GYS2: variants seen among roughly 807,000 people sequenced by gnomAD.
The protein encoded by GYS2 is glycogen [starch] synthase, liver.
Under a neutral mutation model 85.6 loss-of-function variants are expected in GYS2, and 80 were observed. That is an observed-to-expected ratio of 0.93 (90% CI 0.78 to 1.13). GYS2 has a LOEUF of 1.13. GYS2 is among the 50% of genes most tolerant of loss of function. The pLI is 0.00. For missense variants in GYS2, 881 were observed against 854.9 expected, an observed-to-expected ratio of 1.03 and a Z score of -0.38; for synonymous variants, 328 against 300.7, an observed-to-expected ratio of 1.09 and a Z score of -0.94.
Position 21,558,288 on chromosome 12 carries a change from G to T in GYS2, c.1334C>A (p.Thr445Lys), listed in dbSNP as rs776104371. 6.2e-7 allele frequency: 1 copy of T among 1,612,978 alleles called. No homozygotes were observed. The stretch of plus-strand genomic sequence containing the variant: ...GGTGGAGTCATCAATCATGTTGTGC[G>T]TGGTCACTGGGGGCAATGACTGTCG... ...TQRQSLPPVT[T>K]HNMIDDSTDP... Residue 445 changes from threonine (T) to lysine (K), a missense_variant, in exon 11 of 16, where the codon ACG becomes AAG. Transcript: ENST00000261195.
At chr12:21,554,566 T>TC (rs1944154647) in intron 11 of GYS2, among the ~76,000 whole-genome samples, 1 of 70,754 alleles carries the variant, frequency 1.4e-5, no homozygotes, top group Non-Finnish European at 3.8e-5. Flanking sequence ...CATAACATTT[T>TC]TAAAACACAA....
chr12:21,560,254 G>C (rs1379156915), intron 8 of GYS2, 132 bp downstream of exon 8: 1 of 683,780 alleles, frequency 1.5e-6, no homozygotes, highest in Non-Finnish European at 2.7e-6. Context: ...GATGAAAAGA[G>C]AGTCAAGTAT....
chr12:21,596,698 G>T (rs1057438891), intron 1 of GYS2, among the ~76,000 whole-genome samples: 1 of 152,080 alleles, frequency 6.6e-6, no homozygotes. Context: ...ACAAGACAAG[G>T]ATGCCCACTC....
At chr12:21,588,740 C>T (rs1944601243) in intron 1 of GYS2, among the ~76,000 whole-genome samples, 1 of 152,190 alleles carries the variant, frequency 6.6e-6, no homozygotes, top group Admixed American at 6.5e-5. Context: ...ATTAACTTAA[C>T]CATCCAACAA....
downstream of GYS2, among the ~76,000 whole-genome samples, chr12:21,535,301 A>G (rs2136828115): frequency 6.6e-6 from 1 of 152,306 alleles, no homozygotes; most frequent in South Asian, 2.1e-4. Context: ...AAGCTAGTTT[A>G]CTGGGGATAC....
intron 9 of GYS2, 41 bp downstream of exon 9, chr12:21,559,610 A>C: frequency 9.7e-7 from 1 of 1,034,974 alleles, no homozygotes. Context: ...TGAATAGTGA[A>C]ACCTTAAGTG....
Position 21,604,671 on chromosome 12 carries a change from A to G in GYS2, c.-79T>C. 1.2e-6 allele frequency: 2 copies of G among 1,602,108 alleles called. No individual in the cohort carries two copies. Among genetic ancestry groups the G allele is most frequent in the Non-Finnish European group, 8.5e-7 (1 of 1,172,558 alleles). On this transcript the variant is annotated 5_prime_UTR_variant, in exon 1 of 16. Transcript: ENST00000261195. ...TCCCAGGAGAAGAGAACTTACAGGC[A>G]CAAAAGTTAGAGTTGGTAGAGTTAC...
chr12:21,604,824 A>G lies in GYS2; in HGVS notation c.-232T>C, dbSNP rs776177365. 54 of 1,293,046 alleles carry G rather than the reference A, an allele frequency of 4.2e-5. No homozygotes were observed. Among genetic ancestry groups the G allele is most frequent in the Non-Finnish European group, 5.2e-5 (52 of 1,009,090 alleles). 80.1% of individuals were successfully genotyped at this position (1,293,046 alleles called of 1,614,324 possible). Reference sequence around the variant, plus strand: ...GTCTTTCTGGGCAGGTATTGTGAGGACGGTATCTGCCCTGTCAGTATCTAC... The same window carrying G: ...GTCTTTCTGGGCAGGTATTGTGAGGGCGGTATCTGCCCTGTCAGTATCTAC... On this transcript the variant is annotated 5_prime_UTR_variant, in exon 1 of 16. Coordinates refer to ENST00000261195, the MANE Select transcript of GYS2 (RefSeq NM_021957.4).
At chr12:21,603,348 A>AT (rs539378200) in intron 1 of GYS2, among the ~76,000 whole-genome samples, 82 of 152,178 alleles carry the variant, frequency 5.4e-4, no homozygotes, top group Admixed American at 4.4e-3. Flanking sequence ...TTTAATTTTG[A>AT]TTTTATGAAT....
At chr12:21,578,168 A>G (rs1158353331) in intron 2 of GYS2, among the ~76,000 whole-genome samples, 1 of 152,098 alleles carries the variant, frequency 6.6e-6, no homozygotes, top group African/African-American at 2.4e-5. Context: ...CAGTGTATAT[A>G]TTCTTTCTTT....
intron 11 of GYS2, among the ~76,000 whole-genome samples, chr12:21,549,629 A>G (rs1453107830): frequency 6.6e-6 from 1 of 152,058 alleles, no homozygotes; most frequent in East Asian, 1.9e-4. Flanking sequence ...TGACTTTGGT[A>G]TTTTTGAAGA....
At chr12:21,580,238 T>G (rs1944493460) in intron 2 of GYS2, 104 bp downstream of exon 2, 1 of 1,051,804 alleles carries the variant, frequency 9.5e-7, no homozygotes, top group African/African-American at 1.6e-5. Context: ...CTGAAAGTTT[T>G]CCTTAAGTAA....
At chr12:21,544,419 C>T (rs1944014308) in intron 12 of GYS2, among the ~76,000 whole-genome samples, 1 of 152,186 alleles carries the variant, frequency 6.6e-6, no homozygotes, top group South Asian at 2.1e-4. Flanking sequence ...TAAAATGACA[C>T]TTTGGTGGAC....
Position 21,580,500 on chromosome 12 carries a change from G to A in GYS2, c.145C>T (p.Gln49Ter), listed in dbSNP as rs1038631937. 1.2e-6 allele frequency: 2 copies of A among 1,613,022 alleles called. No homozygotes were observed. Among genetic ancestry groups the A allele is most frequent in the Non-Finnish European group, 1.7e-6 (2 of 1,179,390 alleles). ...NKVGGIYTVI[Q>*]TKAKTTADEW... Reference sequence around the variant, plus strand: ...TCTGCTGTTGTTTTGGCCTTTGTCTGAATCACAGTATAGATGCCTCCAACT... The same window carrying A: ...TCTGCTGTTGTTTTGGCCTTTGTCTAAATCACAGTATAGATGCCTCCAACT... Residue 49 changes from glutamine (Q) to a stop codon, truncating the protein, a stop_gained, in exon 2 of 16, where the codon CAG becomes TAG. Coordinates refer to ENST00000261195, the MANE Select transcript of GYS2 (RefSeq NM_021957.4). LOFTEE classifies it high-confidence loss of function.
rs999774442 is a variant in GYS2 at position 21,563,436 on chromosome 12, A to G, written c.824-91T>C. 4 of 751,128 alleles carry G rather than the reference A, an allele frequency of 5.3e-6. No homozygotes were observed. The African/African-American group carries it at 7.0e-5, about 13-fold the overall frequency. The allele number at this position is 751,128 out of a possible 1,614,324, so 46.5% of individuals were successfully genotyped here. The stretch of plus-strand genomic sequence containing the variant: ...AGTATCTTTAAAACTATAAAGTTAG[A>G]TGTTTATTGACATTCTACTTTCTGA... On this transcript the variant is annotated intron_variant, in intron 5 of 15. Transcript: ENST00000261195.
At chr12:21,557,440 T>C (rs955581904) in intron 11 of GYS2, among the ~76,000 whole-genome samples, 6 of 152,174 alleles carry the variant, frequency 3.9e-5, no homozygotes, top group African/African-American at 7.2e-5. Flanking sequence ...AATTGCTCTA[T>C]AGAAAATTTT....
chr12:21,593,859 C>A (rs1402080719), intron 1 of GYS2, among the ~76,000 whole-genome samples: 3 of 151,930 alleles, frequency 2.0e-5, no homozygotes, highest in African/African-American at 7.2e-5. Context: ...TGTGAAAATC[C>A]TCAACAAAAT....
At chr12:21,539,689 G>A (rs1591775188) in intron 14 of GYS2, among the ~76,000 whole-genome samples, 3 of 152,290 alleles carry the variant, frequency 2.0e-5, no homozygotes, top group Non-Finnish European at 4.4e-5. Flanking sequence ...TAAATTGGGT[G>A]TAAATCCTGC....
At chr12:21,551,622 A>T (rs904543227) in intron 11 of GYS2, among the ~76,000 whole-genome samples, 6 of 152,200 alleles carry the variant, frequency 3.9e-5, no homozygotes, top group African/African-American at 1.4e-4. Flanking sequence ...CATAAGTAAG[A>T]GATAAGTTAA....
Sources: allele counts gnomAD v4.1 joint callset (sites outside exome capture counted in the v4.1 genomes callset), GRCh38; gene constraint gnomAD v4.1.1; transcripts MANE v1.5; gene names NCBI Gene and HGNC (gene_info 2026-07-23, HGNC 2026-07-21).